LAMC3: variants seen among roughly 807,000 people sequenced by gnomAD.
The protein encoded by LAMC3 is laminin subunit gamma-3.
In LAMC3, 128 loss-of-function variants were observed where a neutral mutation model predicts 173.8. The ratio of observed to expected loss-of-function variants is 0.74; its 90% CI spans 0.64 to 0.85. The LOEUF (loss-of-function observed/expected upper bound fraction) is 0.85, where lower values mean the gene tolerates loss of function less well. LAMC3 is among the 40% of genes least tolerant of loss of function. The pLI is 0.00. For synonymous variants in LAMC3, 897 were observed against 909.1 expected, an observed-to-expected ratio of 0.99 and a Z score of 0.24; for missense variants, 2,022 against 2,156.0, an observed-to-expected ratio of 0.94 and a Z score of 1.23.
chr9:131,052,647 A>G lies in LAMC3; in HGVS notation c.1787A>G (p.Asp596Gly). The G allele has an allele frequency of 6.2e-7, 1 of 1,613,882 alleles. No homozygotes were observed. The highest frequency in any genetic ancestry group is 1.7e-5 in the Admixed American group (1 of 60,012). The change falls in exon 10 of 28, where the codon GAT (aspartate) becomes GGT (glycine). Residue 596 changes from aspartate to glycine, a missense_variant. Physicochemically the swap from Asp to Gly is moderately conservative, Grantham distance 94. Transcript: ENST00000361069. ...LRHSSLSGPQ[D>G]AGHPREVELR... ...CACTCTAGCCTGTCTGGCCCCCAGG[A>G]TGCCGGGCATCCCAGGGAGGTAGAG...
At chr9:131,084,870 G>C (rs947345960) in intron 24 of LAMC3, among the ~76,000 whole-genome samples, 4 of 150,684 alleles carry the variant, frequency 2.7e-5, no homozygotes, top group Non-Finnish European at 2.9e-5. Flanking sequence ...CTGCACTCCA[G>C]CCTGGGTGAC....
intron 8 of LAMC3, among the ~76,000 whole-genome samples, chr9:131,046,673 C>T (rs1000825833): frequency 1.3e-4 from 19 of 151,498 alleles, no homozygotes; most frequent in African/African-American, 3.6e-4. Flanking sequence ...TGCCCTTAAC[C>T]GCTGTGGTGG....
chr9:131,033,292 A>G (rs1833880140), intron 3 of LAMC3, among the ~76,000 whole-genome samples: 1 of 152,212 alleles, frequency 6.6e-6, no homozygotes, highest in African/African-American at 2.4e-5. Flanking sequence ...AGAGGAAAAC[A>G]GGTGCGTTCC....
At chr9:131,027,108 C>G (rs1383481371) in intron 2 of LAMC3, among the ~76,000 whole-genome samples, 2 of 152,244 alleles carry the variant, frequency 1.3e-5, no homozygotes, top group African/African-American at 4.8e-5. Flanking sequence ...AGACGGGCTA[C>G]TCAGTGGACC....
At chr9:131,037,844 C>T (rs901504562) in intron 4 of LAMC3, among the ~76,000 whole-genome samples, 5 of 152,208 alleles carry the variant, frequency 3.3e-5, no homozygotes, top group Non-Finnish European at 7.3e-5. Context: ...CTTAAACCTT[C>T]CCACGGCTCC....
intron 19 of LAMC3, 127 bp from the exon 20 acceptor site, chr9:131,073,118 G>T: frequency 1.3e-6 from 1 of 790,024 alleles, no homozygotes; most frequent in Non-Finnish European, 2.2e-6. Flanking sequence ...TGCCGATGTT[G>T]TGGCCAGCTT....
At position 131,093,640 on chromosome 9, in the gene LAMC3, G is replaced by C. The variant is rs1830460103; in HGVS notation, c.*1853G>C. ...GTGGTTTCAGCAGAAAAGGGGTGTT[G>C]GGAGGGTCGCTTGGAACCCTGGAGT... On this transcript the variant is annotated 3_prime_UTR_variant, in exon 28 of 28. Transcript: ENST00000361069. 1 of 152,196 alleles carries C rather than the reference G, an allele frequency of 6.6e-6. No homozygotes were observed. The highest frequency in any genetic ancestry group is 1.5e-5 in the Non-Finnish European group (1 of 68,080). The allele number at this position is 152,196 out of a possible 1,614,324, so 9.4% of individuals were successfully genotyped here.
At chr9:131,066,168 C>T (rs1352169177) in intron 13 of LAMC3, among the ~76,000 whole-genome samples, 2 of 150,770 alleles carry the variant, frequency 1.3e-5, no homozygotes, top group African/African-American at 2.4e-5. Context: ...GCACTCCAGC[C>T]TGGGTGACAG....
intron 7 of LAMC3, among the ~76,000 whole-genome samples, chr9:131,045,161 G>T (rs1463313185): frequency 6.8e-6 from 1 of 148,136 alleles, no homozygotes; most frequent in Non-Finnish European, 1.5e-5. Flanking sequence ...GGCGGAGGCT[G>T]CAGTGAGCCA....
At position 131,077,334 on chromosome 9, in the gene LAMC3, G is replaced by A; in HGVS notation, c.3777G>A (p.Leu1259=). The A allele has an allele frequency of 6.2e-7, 1 of 1,613,658 alleles. No homozygotes were observed. The highest frequency in any genetic ancestry group is 8.5e-7 in the Non-Finnish European group (1 of 1,180,014). Residue 1259 remains leucine, a splice_region_variant and synonymous_variant, in exon 22 of 28, where the codon CTG becomes CTA. Transcript: ENST00000361069. ...YLALLASPGA[L]PQKSRAEDLG... is the part of the protein sequence containing the mutation. ...CCTTGCTGGCTTCCCCGGGAGCTCT[G>A]GTCAGCTCAGTTGTCTCAGAGCTCC...
intron 14 of LAMC3, among the ~76,000 whole-genome samples, chr9:131,067,778 C>G (rs1829965329): frequency 9.3e-6 from 1 of 107,902 alleles, no homozygotes; most frequent in Admixed American, 8.2e-5. Context: ...GGGTGCAGGG[C>G]TGTGCCTGTG....
intron 20 of LAMC3, among the ~76,000 whole-genome samples, chr9:131,075,249 C>T (rs1030720356): frequency 3.3e-5 from 5 of 151,114 alleles, no homozygotes; most frequent in East Asian, 2.0e-4. Context: ...ACCTGGACAA[C>T]GGTGTAAGAC....
chr9:131,022,215 A>AACAC lies in LAMC3; in HGVS notation c.374-4044_374-4041dup, dbSNP rs56948132. 4.2e-3 allele frequency among the ~76,000 whole-genome samples: 610 copies of AACAC among 144,740 alleles called. 6 individuals are homozygous for AACAC. Among genetic ancestry groups the AACAC allele is most frequent in the East Asian group, 0.026 (126 of 4,938 alleles). 95.0% of individuals were successfully genotyped at this position (144,740 alleles called of 152,430 possible). A position where few individuals can be genotyped will look rare whatever the true frequency, so the allele number is the denominator to read the frequency against. On this transcript the variant is annotated intron_variant, in intron 1 of 27. Coordinates refer to ENST00000361069, the MANE Select transcript of LAMC3 (RefSeq NM_006059.4). ...TCATAAGCCAGGAGCTGTGGATGAA[A>AACAC]ACACACACACACACACACACACACA...
In LAMC3 at chr9:131,075,966, G is replaced by A. The variant is rs765835831; in HGVS notation, c.3629+1G>A. 1.9e-6 allele frequency: 3 copies of A among 1,605,662 alleles called. No individual in the cohort carries two copies. Among genetic ancestry groups the A allele is most frequent in the South Asian group, 2.2e-5 (2 of 90,254 alleles). ...AGACCCAGCGGGACCTGGAGGACAGGTGAGGCCTCCCCAGGTGTGGGTAGA... is the reference window on the plus strand; with the variant it reads ...AGACCCAGCGGGACCTGGAGGACAGATGAGGCCTCCCCAGGTGTGGGTAGA... On this transcript the variant is annotated splice_donor_variant, in intron 21 of 27. Coordinates refer to ENST00000361069, the MANE Select transcript of LAMC3 (RefSeq NM_006059.4). LOFTEE classifies it high-confidence loss of function.
At chr9:131,022,789 G>C (rs781616126) in intron 1 of LAMC3, among the ~76,000 whole-genome samples, 1 of 151,806 alleles carries the variant, frequency 6.6e-6, no homozygotes. Context: ...TGTTACCCAG[G>C]CTGGTCTCAA....
intron 8 of LAMC3, among the ~76,000 whole-genome samples, chr9:131,048,355 CCTT>C (rs1283044300): frequency 1.3e-5 from 2 of 152,138 alleles, no homozygotes; most frequent in East Asian, 3.9e-4. Flanking sequence ...CTGTGCCTGG[CCTT>C]CTAGTTCCTT....
At chr9:131,081,761 C>A (rs1360155364) in intron 23 of LAMC3, among the ~76,000 whole-genome samples, 1 of 152,228 alleles carries the variant, frequency 6.6e-6, no homozygotes, top group Non-Finnish European at 1.5e-5. Context: ...AGGTGTGAGT[C>A]TCTGTGCCTG....
intron 25 of LAMC3, 34 bp from the exon 26 acceptor site, chr9:131,087,442 C>T: frequency 1.9e-6 from 3 of 1,613,268 alleles, no homozygotes; most frequent in Admixed American, 1.7e-5. Flanking sequence ...GCTGCACTCA[C>T]TTCTTCTCCC....
intron 8 of LAMC3, among the ~76,000 whole-genome samples, chr9:131,047,639 G>A (rs1229761400): frequency 6.6e-6 from 1 of 150,726 alleles, no homozygotes. Flanking sequence ...GGGGGGAGCG[G>A]ATCACCTGAG....
Sources: gnomAD v4.1 joint callset for allele counts (sites outside exome capture counted in the v4.1 genomes callset) on GRCh38, gnomAD v4.1.1 for gene constraint, MANE v1.5 for transcripts, NCBI Gene and HGNC (gene_info 2026-07-23, HGNC 2026-07-21) for gene names.